The following NKAIN2 variants were observed in gnomAD, a reference collection of about 807,000 sequenced individuals.
NKAIN2 encodes sodium/potassium-transporting ATPase subunit beta-1-interacting protein 2.
Under a neutral mutation model 32.6 loss-of-function variants are expected in NKAIN2, and 14 were observed. The ratio of observed to expected loss-of-function variants is 0.43; its 90% CI spans 0.28 to 0.67. NKAIN2 has a LOEUF of 0.67. Among genes scored for constraint, NKAIN2 ranks in the 30% least tolerant of loss-of-function variants. NKAIN2 has a pLI of 0.17. For synonymous variants in NKAIN2, 80 were observed against 87.2 expected (o/e 0.92, Z 0.46); for missense variants, 198 against 258.3 (o/e 0.77, Z 1.60).
chr6:124,778,728 C>T (rs139513607), intron 4 of NKAIN2, among the ~76,000 whole-genome samples: 299 of 151,870 alleles, frequency 2.0e-3, no homozygotes, highest in African/African-American at 6.6e-3. Flanking sequence ...TTTTAGAAGG[C>T]GATTCCAAAA....
intron 1 of NKAIN2, among the ~76,000 whole-genome samples, chr6:124,028,927 A>ATATATATATATATACACATATATG (rs1562317610): frequency 8.7e-6 from 1 of 114,622 alleles, no homozygotes; most frequent in East Asian, 2.1e-4. Context: ...ATATATGTGT[A>ATATATATATATATACACATATATG]TATATATATA....
chr6:124,606,977 C>T (rs1384150446), intron 3 of NKAIN2, among the ~76,000 whole-genome samples: 1 of 152,010 alleles, frequency 6.6e-6, no homozygotes, highest in African/African-American at 2.4e-5. Context: ...GGTCATTCAT[C>T]AATGTGAGTA....
intron 1 of NKAIN2, among the ~76,000 whole-genome samples, chr6:123,891,346 A>G (rs200240826): frequency 1.3e-5 from 2 of 152,190 alleles, no homozygotes; most frequent in East Asian, 1.9e-4. Context: ...TCTTACGTCT[A>G]TTTTACCACA....
chr6:124,350,529 T>G (rs1308784815), intron 2 of NKAIN2, among the ~76,000 whole-genome samples: 1 of 152,186 alleles, frequency 6.6e-6, no homozygotes, highest in Non-Finnish European at 1.5e-5. Context: ...GATAAAGTCC[T>G]GCCTTTGGAT....
At chr6:124,160,315 T>G (rs1788205751) in intron 1 of NKAIN2, among the ~76,000 whole-genome samples, 1 of 152,124 alleles carries the variant, frequency 6.6e-6, no homozygotes, top group Non-Finnish European at 1.5e-5. Flanking sequence ...TAAGATCCAA[T>G]AGCTTGCAAG....
chr6:124,009,936 T>A (rs373200656), intron 1 of NKAIN2, among the ~76,000 whole-genome samples: 19 of 152,268 alleles, frequency 1.2e-4, no homozygotes, highest in African/African-American at 4.6e-4. Context: ...TATATGTATG[T>A]ATATATGTGT....
chr6:124,565,691 T>C (rs1326599915), intron 3 of NKAIN2, among the ~76,000 whole-genome samples: 1 of 152,148 alleles, frequency 6.6e-6, no homozygotes, highest in African/African-American at 2.4e-5. Flanking sequence ...TGTGGGCTCT[T>C]TTAGGTAAAT....
intron 3 of NKAIN2, among the ~76,000 whole-genome samples, chr6:124,630,030 G>T (rs914794229): frequency 2.0e-5 from 3 of 152,188 alleles, no homozygotes; most frequent in African/African-American, 4.8e-5. Flanking sequence ...CAGGAATACA[G>T]TTGGCATAGG....
chr6:124,166,083 A>G (rs1414730581), intron 1 of NKAIN2, among the ~76,000 whole-genome samples: 1 of 122,336 alleles, frequency 8.2e-6, no homozygotes, highest in Non-Finnish European at 1.7e-5. Context: ...ATCCCTGAGG[A>G]ATCGCCACAC....
At chr6:124,168,398 G>A (rs1367862760) in intron 1 of NKAIN2, among the ~76,000 whole-genome samples, 2 of 151,980 alleles carry the variant, frequency 1.3e-5, no homozygotes, top group Admixed American at 1.3e-4. Flanking sequence ...ATTGTAGTAT[G>A]GATACTCTTG....
chr6:124,309,529 C>T (rs1796635235), intron 2 of NKAIN2, among the ~76,000 whole-genome samples: 1 of 151,928 alleles, frequency 6.6e-6, no homozygotes, highest in Non-Finnish European at 1.5e-5. Flanking sequence ...TTCATGAAGA[C>T]TTCTATCTAT....
At chr6:123,865,877 AAC>A (rs1375014566) in intron 1 of NKAIN2, among the ~76,000 whole-genome samples, 3 of 152,240 alleles carry the variant, frequency 2.0e-5, no homozygotes, top group Admixed American at 2.0e-4. Context: ...AATAATTGGA[AAC>A]ACATAAATAT....
chr6:124,666,584 T>A (rs1772808285), intron 4 of NKAIN2, among the ~76,000 whole-genome samples: 1 of 152,212 alleles, frequency 6.6e-6, no homozygotes, highest in Admixed American at 6.5e-5. Context: ...ACCTTGATTG[T>A]AATGTCAATC....
Position 123,964,942 on chromosome 6 carries a change from T to G in NKAIN2, c.54+160688T>G, listed in dbSNP as rs1778005227. ...TCTTTAAGTCCTATTTTGCCCTATTTAAGCCCTTGCTTAAATTGATTGCCC... is the reference window on the plus strand; with the variant it reads ...TCTTTAAGTCCTATTTTGCCCTATTGAAGCCCTTGCTTAAATTGATTGCCC... On this transcript the variant is annotated intron_variant, in intron 1 of 6. Coordinates refer to ENST00000368417, the MANE Select transcript of NKAIN2 (RefSeq NM_001040214.3). The surrounding 1 kb of genome is among the most constrained non-coding windows in gnomAD (Gnocchi z 4.0). Among the ~76,000 whole-genome samples, 1 of 152,194 alleles carries G rather than the reference T, an allele frequency of 6.6e-6. No homozygotes were observed. Among genetic ancestry groups the G allele is most frequent in the African/African-American group, 2.4e-5 (1 of 41,454 alleles).
At chr6:124,445,999 G>A (rs9491180) in intron 3 of NKAIN2, among the ~76,000 whole-genome samples, 11,072 of 152,060 alleles carry the variant, frequency 0.073, 1,223 homozygotes, top group African/African-American at 0.23. Context: ...CTTCAAAATG[G>A]GGGAGCGGGA....
At chr6:124,541,572 T>C (rs1313649036) in intron 3 of NKAIN2, among the ~76,000 whole-genome samples, 2 of 152,142 alleles carry the variant, frequency 1.3e-5, no homozygotes, top group Admixed American at 6.5e-5. Flanking sequence ...TGTTAGAGCA[T>C]TGGCAAATGT....
intron 4 of NKAIN2, among the ~76,000 whole-genome samples, chr6:124,775,176 T>C (rs1172427061): frequency 1.3e-5 from 2 of 152,292 alleles, no homozygotes; most frequent in East Asian, 3.9e-4. Context: ...GCTTTTGAAC[T>C]ATTGAGTATT....
chr6:124,052,042 T>A (rs7775927), intron 1 of NKAIN2, among the ~76,000 whole-genome samples: 15,567 of 152,048 alleles, frequency 0.1, 1,089 homozygotes, highest in African/African-American at 0.2. Context: ...TCTATAGGGT[T>A]TATTGAAAAT....
In NKAIN2 at chr6:123,856,297, G is replaced by A. The variant is rs545033430; in HGVS notation, c.54+52043G>A. Among the ~76,000 whole-genome samples, 5 of 152,216 alleles carry A rather than the reference G, an allele frequency of 3.3e-5. No individual in the cohort carries two copies. The South Asian group carries it at 6.2e-4, about 19-fold the overall frequency. ...ATGTTAAGAATGTTATTGTTAAGCC[G>A]AGAAACTGTCTCGGAATATAGAATA... On this transcript the variant is annotated intron_variant, in intron 1 of 6. Coordinates refer to ENST00000368417, the MANE Select transcript of NKAIN2 (RefSeq NM_001040214.3).
Sources: gnomAD v4.1 joint callset for allele counts (sites outside exome capture counted in the v4.1 genomes callset) on GRCh38, gnomAD v4.1.1 for gene constraint, Gnocchi (gnomAD v3.1) non-coding constraint, MANE v1.5 for transcripts, NCBI Gene and HGNC (gene_info 2026-07-23, HGNC 2026-07-21) for gene names.